The following PTPRG variants were observed in gnomAD, a reference collection of about 807,000 sequenced individuals.
The protein encoded by PTPRG is receptor-type tyrosine-protein phosphatase gamma.
PTPRG carries 102 observed loss-of-function variants against 165.3 expected under a neutral mutation model. The ratio of observed to expected loss-of-function variants is 0.62; its 90% CI spans 0.53 to 0.73. The LOEUF is 0.73. Among genes scored for constraint, PTPRG ranks in the 30% least tolerant of loss-of-function variants. The probability of loss-of-function intolerance (pLI) is 0.00; values close to 1 mark genes in which losing one functional copy is unlikely to be tolerated. For synonymous variants in PTPRG, 675 were observed against 669.5 expected (o/e 1.01, Z -0.13); for missense variants, 1,866 against 1,861.4 (o/e 1.00, Z -0.05).
In PTPRG at chr3:62,271,720, A is replaced by T. The variant is rs559588102; in HGVS notation, c.3182+165A>T. 6.6e-6 allele frequency among the ~76,000 whole-genome samples: 1 copy of T among 152,290 alleles called. No individual in the cohort carries two copies. The highest frequency in any genetic ancestry group is 1.9e-4 in the East Asian group (1 of 5,172). On this transcript the variant is annotated intron_variant, in intron 21 of 29. Coordinates refer to ENST00000474889, the MANE Select transcript of PTPRG (RefSeq NM_002841.4). This position sits in a 1 kb window ranked among gnomAD's most constrained non-coding sequence, Gnocchi z 4.1. ...AGTCTTAAAGAGGCTCTATTCCTGT[A>T]ACATTAAGAAATCATCTGCTGCTTC...
intron 1 of PTPRG, among the ~76,000 whole-genome samples, chr3:61,701,595 A>G (rs193090371): frequency 3.3e-5 from 5 of 152,290 alleles, no homozygotes; most frequent in African/African-American, 1.2e-4. Flanking sequence ...TATAATAATG[A>G]TGGTGATAGA....
intron 4 of PTPRG, among the ~76,000 whole-genome samples, chr3:62,063,393 A>G (rs1700885365): frequency 6.6e-6 from 1 of 152,172 alleles, no homozygotes; most frequent in Admixed American, 6.5e-5. Context: ...TTGGGTTTTA[A>G]CCAATATATC....
At chr3:61,974,605 GTGAC>G (rs2040461024) in intron 2 of PTPRG, among the ~76,000 whole-genome samples, 1 of 151,914 alleles carries the variant, frequency 6.6e-6, no homozygotes, top group Non-Finnish European at 1.5e-5. Flanking sequence ...GTGCCTTTTC[GTGAC>G]TGACTGTCTT....
Position 62,203,831 on chromosome 3 carries a change from C to T in PTPRG, c.2036C>T (p.Thr679Ile). 2 of 1,614,132 alleles carry T rather than the reference C, an allele frequency of 1.2e-6. No homozygotes were observed. The highest frequency in any genetic ancestry group is 2.2e-5 in the East Asian group (1 of 44,866). ...DMVTSTQVPP[T>I]ATEEQYAGSD... ...GTCACCTCCACCCAAGTGCCCCCCACCGCCACAGAGGAGCAGTATGCAGGG... is the reference window on the plus strand; with the variant it reads ...GTCACCTCCACCCAAGTGCCCCCCATCGCCACAGAGGAGCAGTATGCAGGG... The change falls in exon 12 of 30, where the codon ACC becomes ATC. Residue 679 changes from threonine to isoleucine, a missense_variant. Physicochemically the swap from Thr to Ile is moderately conservative, Grantham distance 89. Transcript: ENST00000474889. This position sits in a 1 kb window ranked among gnomAD's most constrained non-coding sequence, Gnocchi z 6.4.
intron 1 of PTPRG, among the ~76,000 whole-genome samples, chr3:61,739,908 C>A (rs1395607783): frequency 6.6e-6 from 1 of 152,166 alleles, no homozygotes; most frequent in Non-Finnish European, 1.5e-5. Flanking sequence ...GGGAACATGA[C>A]CCAGCTCTCA....
intron 4 of PTPRG, among the ~76,000 whole-genome samples, chr3:62,066,658 A>G (rs527494123): frequency 1.4e-4 from 21 of 152,326 alleles, no homozygotes; most frequent in Admixed American, 1.2e-3. Context: ...ATAGCCATGC[A>G]AGCAAGGAAA....
chr3:62,093,577 G>A (rs1702014660), intron 5 of PTPRG, among the ~76,000 whole-genome samples: 1 of 152,188 alleles, frequency 6.6e-6, no homozygotes, highest in South Asian at 2.1e-4. Flanking sequence ...GATATGACTG[G>A]CACCAGAGGA....
intron 1 of PTPRG, among the ~76,000 whole-genome samples, chr3:61,712,292 C>T (rs1298255018): frequency 6.6e-6 from 1 of 151,858 alleles, no homozygotes; most frequent in African/African-American, 2.4e-5. Flanking sequence ...ATATATGAGA[C>T]ATTTAACAGA....
intron 1 of PTPRG, among the ~76,000 whole-genome samples, chr3:61,663,973 C>T (rs1303056804): frequency 6.6e-6 from 1 of 152,134 alleles, no homozygotes; most frequent in African/African-American, 2.4e-5. Flanking sequence ...GGTTGGGGAC[C>T]CCTGATTTAA....
At chr3:61,776,443 G>T (rs1164527963) in intron 2 of PTPRG, among the ~76,000 whole-genome samples, 1 of 152,088 alleles carries the variant, frequency 6.6e-6, no homozygotes, top group African/African-American at 2.4e-5. Context: ...TGAAATCCCA[G>T]GTGTCACTTT....
At chr3:61,590,128 C>G (rs1700530440) in intron 1 of PTPRG, among the ~76,000 whole-genome samples, 1 of 151,428 alleles carries the variant, frequency 6.6e-6, no homozygotes, top group Non-Finnish European at 1.5e-5. Flanking sequence ...AGGATGGCAT[C>G]ATCTTCTATT....
intron 1 of PTPRG, among the ~76,000 whole-genome samples, chr3:61,702,660 G>A (rs2031033824): frequency 6.6e-6 from 1 of 152,162 alleles, no homozygotes; most frequent in African/African-American, 2.4e-5. Context: ...TAGCATTCCA[G>A]GCACATCTGT....
chr3:61,887,923 A>G (rs2038097235), intron 2 of PTPRG, among the ~76,000 whole-genome samples: 1 of 152,200 alleles, frequency 6.6e-6, no homozygotes, highest in African/African-American at 2.4e-5. Context: ...GGACAACGTT[A>G]TAGATTCAGT....
intron 8 of PTPRG, among the ~76,000 whole-genome samples, chr3:62,185,150 T>A (rs1191920292): frequency 6.6e-6 from 1 of 152,004 alleles, no homozygotes; most frequent in Admixed American, 6.6e-5. Flanking sequence ...CCTGGGATCA[T>A]AATTAAAGGT....
chr3:61,681,077 AG>A (rs1238788565), intron 1 of PTPRG, among the ~76,000 whole-genome samples: 10 of 143,282 alleles, frequency 7.0e-5, no homozygotes, highest in Non-Finnish European at 1.1e-4. Flanking sequence ...AAAAAAAAAA[AG>A]AAGAAGAAAG....
chr3:62,094,214 A>G (rs1476011242), intron 5 of PTPRG, among the ~76,000 whole-genome samples: 1 of 152,124 alleles, frequency 6.6e-6, no homozygotes, highest in East Asian at 1.9e-4. Flanking sequence ...CTGAACTTCA[A>G]TATTAGGCTG....
intron 2 of PTPRG, among the ~76,000 whole-genome samples, chr3:61,768,131 C>G (rs1244156215): frequency 1.3e-5 from 2 of 152,068 alleles, no homozygotes; most frequent in Non-Finnish European, 2.9e-5. Flanking sequence ...AATGCAGTTA[C>G]TAGAATCCAT....
At chr3:61,856,466 G>A (rs1164963704) in intron 2 of PTPRG, among the ~76,000 whole-genome samples, 1 of 152,124 alleles carries the variant, frequency 6.6e-6, no homozygotes, top group Non-Finnish European at 1.5e-5. Flanking sequence ...TTTGCACCAT[G>A]ATTTCATTCT....
chr3:61,870,371 G>A (rs1575738509), intron 2 of PTPRG, among the ~76,000 whole-genome samples: 1 of 147,270 alleles, frequency 6.8e-6, no homozygotes, highest in African/African-American at 2.6e-5. Context: ...GAGTGCAATG[G>A]TATGATCTCA....
Sources: allele counts gnomAD v4.1 joint callset (sites outside exome capture counted in the v4.1 genomes callset), GRCh38; gene constraint gnomAD v4.1.1; non-coding constraint Gnocchi (gnomAD v3.1); transcripts MANE v1.5; gene names NCBI Gene and HGNC (gene_info 2026-07-23, HGNC 2026-07-21).